TLE4: variants seen among roughly 807,000 people sequenced by gnomAD.
TLE4 encodes the protein TLE family member 4, transcriptional corepressor, also known as transducin-like enhancer protein 4.
TLE4 carries 8 observed loss-of-function variants against 92.8 expected under a neutral mutation model. That is an observed-to-expected ratio of 0.09 (90% CI 0.05 to 0.16). The LOEUF (loss-of-function observed/expected upper bound fraction) is 0.16. Among genes scored for constraint, TLE4 ranks in the 10% least tolerant of loss-of-function variants. The pLI is 1.00. For synonymous variants in TLE4, 371 were observed against 374.1 expected, an observed-to-expected ratio of 0.99 and a Z score of 0.10; for missense variants, 675 against 997.6, an observed-to-expected ratio of 0.68 and a Z score of 4.36.
chr9:79,668,829 G>C (rs2061811314), intron 8 of TLE4: 1 of 985,262 alleles, frequency 1.0e-6, no homozygotes, highest in Non-Finnish European at 1.2e-6. Flanking sequence ...GAGTAGCTCA[G>C]CTGTTGTGAA....
intron 4 of TLE4, among the ~76,000 whole-genome samples, chr9:79,600,036 T>C (rs960273388): frequency 5.3e-5 from 8 of 152,200 alleles, no homozygotes; most frequent in African/African-American, 1.7e-4. Context: ...TCCTGACAAA[T>C]AGTAAGTAGA....
At chr9:79,698,859 TTATATATATATACA>T (rs909639426) in intron 8 of TLE4, among the ~76,000 whole-genome samples, 4 of 146,290 alleles carry the variant, frequency 2.7e-5, no homozygotes, top group African/African-American at 7.7e-5. Context: ...GGATTATTTC[TTATATATATATACA>T]TATATATATA....
chr9:79,588,503 A>T (rs1464590621), intron 4 of TLE4, among the ~76,000 whole-genome samples: 1 of 152,310 alleles, frequency 6.6e-6, no homozygotes, highest in Admixed American at 6.5e-5. Flanking sequence ...TTCTGTACAC[A>T]GTGAGCTTAA....
intron 8 of TLE4, among the ~76,000 whole-genome samples, chr9:79,678,077 G>A (rs986639699): frequency 3.3e-5 from 5 of 152,012 alleles, no homozygotes; most frequent in African/African-American, 9.7e-5. Context: ...TGCAGTCTCT[G>A]TCTCAGTTAA....
intron 4 of TLE4, among the ~76,000 whole-genome samples, chr9:79,579,566 C>T: frequency 6.6e-6 from 1 of 152,072 alleles, no homozygotes; most frequent in East Asian, 1.9e-4. Context: ...TTTTAGTAAT[C>T]ATCAGGAAAT....
chr9:79,603,519 G>GTT (rs1024961707), intron 4 of TLE4, among the ~76,000 whole-genome samples: 1 of 151,726 alleles, frequency 6.6e-6, no homozygotes, highest in Non-Finnish European at 1.5e-5. Context: ...TTGTGTGTGT[G>GTT]TTTTTTTTAA....
intron 4 of TLE4, among the ~76,000 whole-genome samples, chr9:79,605,431 C>G (rs1396287452): frequency 2.6e-5 from 4 of 152,144 alleles, no homozygotes; most frequent in Admixed American, 6.6e-5. Context: ...ATTTATCTCT[C>G]TCGATCACTG....
intron 4 of TLE4, among the ~76,000 whole-genome samples, chr9:79,591,506 T>C (rs1429103281): frequency 6.6e-6 from 1 of 152,168 alleles, no homozygotes; most frequent in East Asian, 1.9e-4. Flanking sequence ...AAGGGGAGAT[T>C]AATCAGTAGT....
intron 6 of TLE4, among the ~76,000 whole-genome samples, chr9:79,630,628 C>A (rs562290269): frequency 6.6e-6 from 1 of 151,828 alleles, no homozygotes; most frequent in East Asian, 1.9e-4. Context: ...AGAATCTCTG[C>A]GAGATCACAC....
At chr9:79,635,169 C>T (rs1454770837) in intron 6 of TLE4, among the ~76,000 whole-genome samples, 1 of 152,052 alleles carries the variant, frequency 6.6e-6, no homozygotes, top group Non-Finnish European at 1.5e-5. Context: ...TTTTAGCCAT[C>T]CTAATAGGTG....
Position 79,722,932 on chromosome 9 carries a change from G to GC in TLE4, c.2138-25dup, listed in dbSNP as rs747579216. The GC allele has an allele frequency of 9.9e-6, 16 of 1,608,060 alleles. No homozygotes were observed. The African/African-American group carries it at 2.0e-4, about 20-fold the overall frequency. ...TGTCTGACAGAGTAACACAAACATT[G>GC]CCTTTTTCAAAACCCTTTACCTATA... is the stretch of plus-strand genomic sequence containing the variant. On this transcript the variant is annotated intron_variant, in intron 18 of 19. Transcript: ENST00000376552.
intron 8 of TLE4, among the ~76,000 whole-genome samples, chr9:79,678,742 G>A (rs960044523): frequency 2.8e-4 from 43 of 151,768 alleles, no homozygotes; most frequent in Non-Finnish European, 4.9e-4. Context: ...TTTATCATTA[G>A]GTATATGTCC....
intron 8 of TLE4, among the ~76,000 whole-genome samples, chr9:79,699,617 C>T (rs1222910896): frequency 6.6e-6 from 1 of 152,168 alleles, no homozygotes; most frequent in Admixed American, 6.5e-5. Flanking sequence ...AAGGCCATAG[C>T]TGATGAGCAA....
intron 4 of TLE4, among the ~76,000 whole-genome samples, chr9:79,600,757 TCTAA>T (rs1171852710): frequency 4.6e-5 from 7 of 152,212 alleles, no homozygotes; most frequent in Non-Finnish European, 8.8e-5. Flanking sequence ...CAAGCCTGGC[TCTAA>T]CTGTGTTGTT....
At chr9:79,690,779 CTTTTTTTT>C (rs35528090) in intron 8 of TLE4, among the ~76,000 whole-genome samples, 44 of 54,158 alleles carry the variant, frequency 8.1e-4, no homozygotes, top group African/African-American at 2.6e-3. Context: ...CCACTCCTGG[CTTTTTTTT>C]TTTTTTTTTT....
chr9:79,722,720 T>C (rs1027267796), intron 18 of TLE4, 119 bp downstream of exon 18: 2 of 1,273,784 alleles, frequency 1.6e-6, no homozygotes, highest in Non-Finnish European at 2.2e-6. Context: ...CAGAATTCTA[T>C]TACTTCCTGA....
Position 79,722,961 on chromosome 9 carries a change from A to G in TLE4, c.2140A>G (p.Lys714Glu). ...VLSLKFAHCG[K>E]WFVSTGKDNL... ...TTTTCAAAACCCTTTACCTATAGGC[A>G]AATGGTTTGTAAGCACTGGAAAGGA... The change falls in exon 19 of 20, where the codon AAA (lysine) becomes GAA (glutamate). Residue 714 changes from lysine to glutamate, a missense_variant and splice_region_variant. Transcript: ENST00000376552. The G allele has an allele frequency of 1.9e-6, 3 of 1,614,202 alleles. No individual in the cohort carries two copies. Among genetic ancestry groups the G allele is most frequent in the Non-Finnish European group, 2.5e-6 (3 of 1,180,000 alleles).
intron 5 of TLE4, among the ~76,000 whole-genome samples, chr9:79,625,702 C>A (rs1429642063): frequency 6.6e-6 from 1 of 151,918 alleles, no homozygotes; most frequent in African/African-American, 2.4e-5. Flanking sequence ...TTTAGGGGAA[C>A]CTGAAATGAC....
intron 5 of TLE4, among the ~76,000 whole-genome samples, chr9:79,614,214 G>T (rs1409020539): frequency 6.6e-6 from 1 of 152,136 alleles, no homozygotes; most frequent in Non-Finnish European, 1.5e-5. Flanking sequence ...CCAGGCTGGG[G>T]TGTCATGTTC....
Sources: gnomAD v4.1 joint callset for allele counts (sites outside exome capture counted in the v4.1 genomes callset) on GRCh38, gnomAD v4.1.1 for gene constraint, MANE v1.5 for transcripts, NCBI Gene and HGNC (gene_info 2026-07-23, HGNC 2026-07-21) for gene names.